Variants in DENND6A observed in about 807,000 individuals in gnomAD.
DENND6A encodes protein DENND6A.
In DENND6A, 43 loss-of-function variants were observed where a neutral mutation model predicts 95.5. The ratio of observed to expected loss-of-function variants is 0.45; its 90% CI spans 0.35 to 0.58. The LOEUF is 0.58. DENND6A is among the 20% of genes least tolerant of loss of function. The pLI is 0.00. For synonymous variants in DENND6A, 257 were observed against 260.4 expected (o/e 0.99, Z 0.13); for missense variants, 574 against 736.0 (o/e 0.78, Z 2.55).
chr3:57,641,927 G>T (rs143433024), intron 11 of DENND6A, among the ~76,000 whole-genome samples, 180 bp from the exon 12 acceptor site: 133 of 152,022 alleles, frequency 8.7e-4, no homozygotes, highest in Middle Eastern at 6.8e-3. Context: ...ATAAAAAGAC[G>T]AAAGGACACG....
At chr3:57,682,712 G>A (rs908027250) in intron 1 of DENND6A, among the ~76,000 whole-genome samples, 2 of 151,994 alleles carry the variant, frequency 1.3e-5, no homozygotes, top group African/African-American at 4.8e-5. Flanking sequence ...GTCTGGCTTT[G>A]TCACCCAGGC....
intron 15 of DENND6A, 140 bp downstream of exon 15, chr3:57,633,125 A>C: frequency 1.4e-6 from 1 of 693,526 alleles, no homozygotes; most frequent in Non-Finnish European, 2.4e-6. Flanking sequence ...GGTCTCTTGC[A>C]AAGGGGTTTA....
intron 1 of DENND6A, among the ~76,000 whole-genome samples, chr3:57,687,281 C>G (rs941122646): frequency 6.6e-6 from 1 of 152,202 alleles, no homozygotes; most frequent in African/African-American, 2.4e-5. Flanking sequence ...GAAGAGCAAA[C>G]CAGCTAGAAC....
At chr3:57,689,986 G>C (rs2077246118) in intron 1 of DENND6A, among the ~76,000 whole-genome samples, 1 of 151,218 alleles carries the variant, frequency 6.6e-6, no homozygotes, top group African/African-American at 2.4e-5. Flanking sequence ...AGGAGTTCGA[G>C]GTTGTAGTGA....
chr3:57,645,704 G>T lies in DENND6A; in HGVS notation c.994C>A (p.His332Asn). ...GTATATTCTTTGAATTCACTATCAT[G>T]AATAGTGAAATAAGGTCGGAAATCA... is the stretch of plus-strand genomic sequence containing the variant. ...FSDFRPYFTI[H>N]DSEFKEYTTR... The change falls in exon 11 of 20, where the codon CAT becomes AAT. Residue 332 changes from histidine (H) to asparagine (N), a missense_variant. Physicochemically the swap from His to Asn is moderately conservative, Grantham distance 68 (BLOSUM62 1). This residue lies in a region of DENND6A where 452 missense variants were observed against 630.9 expected (regional missense o/e 0.72). Coordinates refer to ENST00000311128, the MANE Select transcript of DENND6A (RefSeq NM_152678.3). The T allele has an allele frequency of 6.2e-7, 1 of 1,613,400 alleles. No homozygotes were observed. Among genetic ancestry groups the T allele is most frequent in the Non-Finnish European group, 8.5e-7 (1 of 1,179,634 alleles).
chr3:57,691,066 T>C (rs2077260021), intron 1 of DENND6A, among the ~76,000 whole-genome samples: 1 of 152,244 alleles, frequency 6.6e-6, no homozygotes, highest in African/African-American at 2.4e-5. Context: ...AAATATATTT[T>C]CTGTTTATTT....
intron 9 of DENND6A, among the ~76,000 whole-genome samples, chr3:57,648,520 A>G (rs1373758559): frequency 6.6e-6 from 1 of 152,200 alleles, no homozygotes; most frequent in African/African-American, 2.4e-5. Context: ...AAACAATCCT[A>G]AAATTCATAT....
chr3:57,678,979 C>T (rs2077134209), intron 1 of DENND6A, among the ~76,000 whole-genome samples: 1 of 152,230 alleles, frequency 6.6e-6, no homozygotes, highest in Non-Finnish European at 1.5e-5. Context: ...TGGCACACAC[C>T]TGTAATCACA....
chr3:57,683,849 C>T (rs1195322745), intron 1 of DENND6A, among the ~76,000 whole-genome samples: 1 of 152,120 alleles, frequency 6.6e-6, no homozygotes, highest in African/African-American at 2.4e-5. Context: ...GGCAAGTTAC[C>T]TCTTTAAGTT....
rs966529026 is a variant in DENND6A, at chr3:57,649,994, G to A, written c.819-3556C>T. Among the ~76,000 whole-genome samples, 20 of 151,856 alleles carry A rather than the reference G, an allele frequency of 1.3e-4. 1 individual carries two copies. In the South Asian group the frequency reaches 1.9e-3, roughly 14 times the overall value. The stretch of plus-strand genomic sequence containing the variant: ...GGAATGAAATAAAGGCATTCAGAGC[G>A]CCCTAGATGGAATTGGAGACCATTA... On this transcript the variant is annotated intron_variant, in intron 9 of 19. Transcript: ENST00000311128.
chr3:57,667,362 G>C (rs2071541051), intron 3 of DENND6A, among the ~76,000 whole-genome samples: 1 of 152,002 alleles, frequency 6.6e-6, no homozygotes, highest in Non-Finnish European at 1.5e-5. Flanking sequence ...TTGCTATGTT[G>C]CCCAGGCTGG....
At chr3:57,648,076 A>C (rs916951562) in intron 9 of DENND6A, among the ~76,000 whole-genome samples, 3 of 152,180 alleles carry the variant, frequency 2.0e-5, no homozygotes, top group African/African-American at 7.2e-5. Flanking sequence ...TTAAACTGTC[A>C]CTGTTTGCTG....
In DENND6A at chr3:57,637,611, T is replaced by C. The variant is rs564041602; in HGVS notation, c.1133-2842A>G. Among the ~76,000 whole-genome samples the C allele has an allele frequency of 5.3e-5, 8 of 152,072 alleles. No individual in the cohort carries two copies. The South Asian group carries it at 6.2e-4, about 12-fold the overall frequency. On this transcript the variant is annotated intron_variant, in intron 12 of 19. Transcript: ENST00000311128. Reference sequence around the variant, plus strand: ...CCTGAGCAGGGCTGTGTTGCACAACTTGTGCAGCATTTGCAGTGGGCCTGG... The same window carrying C: ...CCTGAGCAGGGCTGTGTTGCACAACCTGTGCAGCATTTGCAGTGGGCCTGG...
At chr3:57,634,853 T>G (rs1575815217) in intron 12 of DENND6A, 84 bp from the exon 13 acceptor site, 2 of 1,109,938 alleles carry the variant, frequency 1.8e-6, no homozygotes, top group East Asian at 5.4e-5. Flanking sequence ...TTATAATCTG[T>G]TTATTACTTA....
chr3:57,661,395 T>G (rs78240427), intron 6 of DENND6A, 51 bp downstream of exon 6: 37,124 of 1,324,116 alleles, frequency 0.028, 619 homozygotes, highest in Middle Eastern at 0.035. Context: ...TTATCACTTA[T>G]TTCCAGTAAA....
At chr3:57,684,244 G>A (rs997867098) in intron 1 of DENND6A, among the ~76,000 whole-genome samples, 12 of 150,636 alleles carry the variant, frequency 8.0e-5, no homozygotes, top group Admixed American at 5.3e-4. Flanking sequence ...GGCAGATCAC[G>A]AGGTCAGGAG....
Position 57,630,457 on chromosome 3 carries a change from T to C in DENND6A, c.1584A>G (p.Lys528=), listed in dbSNP as rs1289495270. The C allele has an allele frequency of 1.2e-5, 19 of 1,596,416 alleles. No homozygotes were observed. Among genetic ancestry groups the C allele is most frequent in the Middle Eastern group, 1.7e-4 (1 of 6,020 alleles). ...GAGCTTCTAGATGGAGTGCCTCCAATTTTTGGGTCATTTCCTTCCTCCGGG... is the reference window on the plus strand; with the variant it reads ...GAGCTTCTAGATGGAGTGCCTCCAACTTTTGGGTCATTTCCTTCCTCCGGG... ...FKTRRKEMTQ[K]LEALHLEALC... is the part of the protein sequence containing the mutation. Residue 528 remains lysine (K), a synonymous_variant, in exon 18 of 20, where the codon AAA becomes AAG. Coordinates refer to ENST00000311128, the MANE Select transcript of DENND6A (RefSeq NM_152678.3).
chr3:57,630,653 T>A, intron 17 of DENND6A, 62 bp downstream of exon 17: 1 of 1,562,214 alleles, frequency 6.4e-7, no homozygotes, highest in Non-Finnish European at 8.6e-7. Flanking sequence ...TAAGTTTAGC[T>A]TTTTGTTTTG....
chr3:57,633,034 T>G (rs1433281828), intron 15 of DENND6A, among the ~76,000 whole-genome samples: 1 of 152,218 alleles, frequency 6.6e-6, no homozygotes, highest in Non-Finnish European at 1.5e-5. Flanking sequence ...TCAGCCATAT[T>G]TCACAGGTGA....
Sources: allele counts gnomAD v4.1 joint callset (sites outside exome capture counted in the v4.1 genomes callset), GRCh38; gene constraint gnomAD v4.1.1; regional missense constraint gnomAD v4.1.1; transcripts MANE v1.5; gene names NCBI Gene and HGNC (gene_info 2026-07-23, HGNC 2026-07-21).